Variants in RIPK1 observed in about 807,000 individuals in gnomAD.
RIPK1 encodes the protein receptor interacting serine/threonine kinase 1.
RIPK1 carries 27 observed loss-of-function variants against 62.4 expected under a neutral mutation model. That is an observed-to-expected ratio of 0.43 (90% CI 0.32 to 0.60). The LOEUF (loss-of-function observed/expected upper bound fraction) is 0.60, where lower values mean the gene tolerates loss of function less well. Among genes scored for constraint, RIPK1 ranks in the 20% least tolerant of loss-of-function variants. The probability of loss-of-function intolerance (pLI) is 0.07; values close to 1 mark genes in which losing one functional copy is unlikely to be tolerated. For synonymous variants in RIPK1, 287 were observed against 303.2 expected (o/e 0.95, Z 0.55); for missense variants, 735 against 831.0 (o/e 0.88, Z 1.42).
rs775650400 is a variant in RIPK1, at chr6:3,077,815, G to A, written c.201G>A (p.Met67Ile). The A allele has an allele frequency of 1.9e-6, 3 of 1,614,228 alleles. No individual in the cohort carries two copies. The highest frequency in any genetic ancestry group is 2.2e-5 in the South Asian group (2 of 91,084). The part of the protein sequence containing the change: ...NEALLEEAKM[M>I]NRLRHSRVVK... The stretch of plus-strand genomic sequence containing the variant: ...CCCTCTTGGAGGAGGCGAAGATGAT[G>A]AACAGACTGAGACACAGCCGGGTGG... The change falls in exon 3 of 11, where the codon ATG becomes ATA. Residue 67 changes from methionine to isoleucine, a missense_variant. This residue lies in a region of RIPK1 where 671 missense variants were observed against 726.2 expected (regional missense o/e 0.92). Transcript: ENST00000259808.
intron 7 of RIPK1, among the ~76,000 whole-genome samples, chr6:3,095,096 A>C (rs1011492822): frequency 1.3e-5 from 2 of 152,012 alleles, no homozygotes; most frequent in Non-Finnish European, 2.9e-5. Context: ...AAAAAAGGAG[A>C]CAAGATTGAA....
In RIPK1 at chr6:3,094,352, G is replaced by T. The variant is rs113394524; in HGVS notation, c.915+4695G>T. On this transcript the variant is annotated intron_variant, in intron 7 of 10. Coordinates refer to ENST00000259808, the MANE Select transcript of RIPK1 (RefSeq NM_001354930.2). ...TTGTAATCATAAAAATGTCCTCTGA[G>T]TATATTTCAATTATGTTCAAAATTA... Among the ~76,000 whole-genome samples, 807 of 152,206 alleles carry T rather than the reference G, an allele frequency of 5.3e-3. 7 individuals carry two copies. Among genetic ancestry groups the T allele is most frequent in the African/African-American group, 0.019 (788 of 41,508 alleles).
chr6:3,110,260 G>A (rs1761089486), intron 9 of RIPK1, among the ~76,000 whole-genome samples: 2 of 143,700 alleles, frequency 1.4e-5, no homozygotes, highest in African/African-American at 2.6e-5. Context: ...AGGCTGGAGT[G>A]CAGTGGCACG....
At chr6:3,098,861 G>A (rs949151985) in intron 7 of RIPK1, among the ~76,000 whole-genome samples, 4 of 152,218 alleles carry the variant, frequency 2.6e-5, no homozygotes, top group South Asian at 2.1e-4. Flanking sequence ...TCTGGCAGCC[G>A]GGAGCACTGA....
chr6:3,074,208 C>T (rs1427961636), intron 1 of RIPK1, among the ~76,000 whole-genome samples: 2 of 152,206 alleles, frequency 1.3e-5, no homozygotes, highest in East Asian at 1.9e-4. Context: ...TCAGCCTCAC[C>T]GTGCTCACAG....
At chr6:3,065,313 G>A (rs1341747116), upstream of RIPK1, among the ~76,000 whole-genome samples, 1 of 149,606 alleles carries the variant, frequency 6.7e-6, no homozygotes, top group South Asian at 2.1e-4. Context: ...CTGAGGTGCC[G>A]TGCGGCTGTG....
intron 9 of RIPK1, 63 bp downstream of exon 9, chr6:3,106,114 A>AAGC: frequency 8.3e-7 from 1 of 1,204,912 alleles, no homozygotes; most frequent in Non-Finnish European, 1.2e-6. Context: ...TACAGCAACC[A>AAGC]AGCAGCTCTA....
intron 6 of RIPK1, 25 bp from the exon 7 acceptor site, chr6:3,089,556 T>A (rs1759910625): frequency 9.4e-7 from 1 of 1,065,974 alleles, no homozygotes; most frequent in Admixed American, 2.0e-5. Flanking sequence ...AATTAAGAAA[T>A]TTAAAGTACA....
At position 3,105,747 on chromosome 6, in the gene RIPK1, A is replaced by G. The variant is rs779246118; in HGVS notation, c.1272A>G (p.Arg424=). ...CCCATGACCCTTTTGCACAGCAAAG[A>G]CCTTACGAGAATTTTCAGAATACAG... is the stretch of plus-strand genomic sequence containing the variant. ...RVSHDPFAQQ[R]PYENFQNTEG... Residue 424 remains arginine, a synonymous_variant, in exon 9 of 11, where the codon AGA becomes AGG. Coordinates refer to ENST00000259808, the MANE Select transcript of RIPK1 (RefSeq NM_001354930.2). The surrounding 1 kb of genome is among the most constrained non-coding windows in gnomAD (Gnocchi z 4.5). 3.4e-5 allele frequency: 55 copies of G among 1,614,112 alleles called. No individual in the cohort carries two copies. Among genetic ancestry groups the G allele is most frequent in the South Asian group, 1.1e-4 (10 of 91,086 alleles).
chr6:3,076,470 C>T (rs1184580380), intron 1 of RIPK1, among the ~76,000 whole-genome samples: 1 of 151,652 alleles, frequency 6.6e-6, no homozygotes, highest in Non-Finnish European at 1.5e-5. Flanking sequence ...GAGTTTGAGA[C>T]CAGCCTGGGC....
intron 6 of RIPK1, among the ~76,000 whole-genome samples, chr6:3,088,132 G>A (rs997032425): frequency 5.3e-5 from 8 of 152,186 alleles, no homozygotes; most frequent in African/African-American, 1.7e-4. Flanking sequence ...TGGAGATTCT[G>A]TATCCTCTTT....
At chr6:3,102,670 G>A (rs556780770) in intron 7 of RIPK1, among the ~76,000 whole-genome samples, 78 of 152,190 alleles carry the variant, frequency 5.1e-4, no homozygotes, top group African/African-American at 1.7e-3. Context: ...GCACCATCTC[G>A]GCTCACTGCA....
rs1761311077 is a variant in RIPK1, at chr6:3,114,442, G to A, written c.*1103G>A. 1 of 152,250 alleles carries A rather than the reference G, an allele frequency of 6.6e-6. No homozygotes were observed. Among genetic ancestry groups the A allele is most frequent in the Non-Finnish European group, 1.5e-5 (1 of 68,052 alleles). 9.4% of individuals were successfully genotyped at this position (152,250 alleles called of 1,614,324 possible). A position where few individuals can be genotyped will look rare whatever the true frequency, so the allele number is the denominator to read the frequency against. ...GCCCACCTGAAACCTGGGGGTGGAT[G>A]AAAGAACTAGAATAGAAGACTGAAG... On this transcript the variant is annotated 3_prime_UTR_variant, in exon 11 of 11. Transcript: ENST00000259808. The surrounding 1 kb of genome is among the most constrained non-coding windows in gnomAD (Gnocchi z 5.0).
Position 3,100,873 on chromosome 6 carries a change from G to A in RIPK1, c.916-3352G>A, listed in dbSNP as rs113087582. On this transcript the variant is annotated intron_variant, in intron 7 of 10. Transcript: ENST00000259808. ...CTCCTAGAGTGCTGGGATTACAGGC[G>A]TGAGCCACCATGTCTGGCCTGTTTG... Among the ~76,000 whole-genome samples, 866 of 152,220 alleles carry A rather than the reference G, an allele frequency of 5.7e-3. 7 individuals carry two copies. Among genetic ancestry groups the A allele is most frequent in the African/African-American group, 0.019 (794 of 41,538 alleles).
chr6:3,081,636 G>A (rs1329853502), intron 4 of RIPK1, among the ~76,000 whole-genome samples: 2 of 151,962 alleles, frequency 1.3e-5, no homozygotes, highest in Non-Finnish European at 2.9e-5. Context: ...TGAGGTGGGC[G>A]GATCACCTGA....
intron 1 of RIPK1, chr6:3,068,997 G>T (rs1349994096): frequency 6.6e-6 from 1 of 152,250 alleles, no homozygotes; most frequent in Non-Finnish European, 1.5e-5. Flanking sequence ...GGCGCTCCCG[G>T]AAGTCAGGGG....
At chr6:3,094,726 G>A (rs1026940040) in intron 7 of RIPK1, among the ~76,000 whole-genome samples, 15 of 151,904 alleles carry the variant, frequency 9.9e-5, no homozygotes, top group East Asian at 9.7e-4. Context: ...AACTAACAGC[G>A]GATCAAAAAA....
chr6:3,102,474 A>G (rs1760628926), intron 7 of RIPK1, among the ~76,000 whole-genome samples: 2 of 152,120 alleles, frequency 1.3e-5, no homozygotes, highest in African/African-American at 4.8e-5. Flanking sequence ...AATCCAAAAC[A>G]CTTCTAATCC....
At chr6:3,069,256 GC>G (rs1401412880) in intron 1 of RIPK1, among the ~76,000 whole-genome samples, 8 of 152,224 alleles carry the variant, frequency 5.3e-5, no homozygotes, top group Non-Finnish European at 1.0e-4. Flanking sequence ...TTTTACTGTT[GC>G]GCTTGAGGCC....
Sources: allele counts gnomAD v4.1 joint callset (sites outside exome capture counted in the v4.1 genomes callset), GRCh38; gene constraint gnomAD v4.1.1; regional missense constraint gnomAD v4.1.1; non-coding constraint Gnocchi (gnomAD v3.1); transcripts MANE v1.5; gene names NCBI Gene and HGNC (gene_info 2026-07-23, HGNC 2026-07-21).